Variants in ARL15 observed in about 807,000 individuals in gnomAD.
The protein encoded by ARL15 is ADP-ribosylation factor-like protein 15.
A neutral mutation model predicts 25.2 loss-of-function variants in ARL15; 19 were observed. The ratio of observed to expected loss-of-function variants is 0.75; its 90% CI spans 0.53 to 1.10. The LOEUF (loss-of-function observed/expected upper bound fraction) is 1.10, where lower values mean the gene tolerates loss of function less well. Among genes scored for constraint, ARL15 ranks in the 50% least tolerant of loss-of-function variants. The pLI is 0.00. For missense variants in ARL15, 220 were observed against 246.0 expected, an observed-to-expected ratio of 0.89 and a Z score of 0.71; for synonymous variants, 94 against 86.8, an observed-to-expected ratio of 1.08 and a Z score of -0.46.
At chr5:54,075,370 C>T (rs1751562226) in intron 4 of ARL15, 2 of 152,800 alleles carry the variant, frequency 1.3e-5, no homozygotes, top group South Asian at 4.1e-4. Context: ...GTGAATACTA[C>T]TTTACATAAT....
intron 3 of ARL15, among the ~76,000 whole-genome samples, chr5:54,151,231 G>T (rs562656422): frequency 6.6e-6 from 1 of 152,246 alleles, no homozygotes; most frequent in East Asian, 1.9e-4. Context: ...CCTGGAGGGT[G>T]TGACAGGTAG....
At chr5:54,147,707 T>C (rs1197083897) in intron 3 of ARL15, among the ~76,000 whole-genome samples, 1 of 152,160 alleles carries the variant, frequency 6.6e-6, no homozygotes, top group African/African-American at 2.4e-5. Flanking sequence ...TCTGGAAATG[T>C]CTAAAACACT....
chr5:53,925,439 C>T (rs370386195), intron 4 of ARL15, among the ~76,000 whole-genome samples: 3 of 152,260 alleles, frequency 2.0e-5, no homozygotes, highest in African/African-American at 7.2e-5. Context: ...TCAACTGATC[C>T]TCTTGCCTTG....
At position 54,217,200 on chromosome 5, in the gene ARL15, C is replaced by CTT. The variant is rs59849804; in HGVS notation, c.49-45274_49-45273dup. On this transcript the variant is annotated intron_variant, in intron 1 of 4. Transcript: ENST00000504924. ...GGAATTTTAGTAAGACAATGCTTTT[C>CTT]TTTTTTTTTTTTTTTAAAAAGGGAG... Among the ~76,000 whole-genome samples the CTT allele has an allele frequency of 1.6e-3, 236 of 145,256 alleles. 6 individuals carry two copies. In the South Asian group the frequency reaches 0.048, roughly 30 times the overall value.
At chr5:53,977,005 T>C (rs1221993963) in intron 4 of ARL15, among the ~76,000 whole-genome samples, 3 of 152,194 alleles carry the variant, frequency 2.0e-5, no homozygotes, top group Non-Finnish European at 4.4e-5. Flanking sequence ...AATAGTTTTG[T>C]TAACTTTTAT....
chr5:54,066,793 G>A (rs867354295), intron 4 of ARL15, among the ~76,000 whole-genome samples: 4 of 151,940 alleles, frequency 2.6e-5, no homozygotes, highest in Non-Finnish European at 1.5e-5. Context: ...TTCCACATTC[G>A]ATAATGTTAA....
intron 1 of ARL15, among the ~76,000 whole-genome samples, chr5:54,262,645 T>C (rs1757523646): frequency 1.3e-5 from 2 of 152,216 alleles, no homozygotes; most frequent in Non-Finnish European, 2.9e-5. Flanking sequence ...AGTAAAATAA[T>C]GGCAAAGTAT....
At chr5:53,887,226 A>G in intron 4 of ARL15, 1 of 587,446 alleles carries the variant, frequency 1.7e-6, no homozygotes, top group African/African-American at 1.9e-5. Flanking sequence ...TCTCTCTCAA[A>G]TTTCTAGTAT....
intron 4 of ARL15, among the ~76,000 whole-genome samples, chr5:53,993,713 G>T (rs1428578364): frequency 6.6e-6 from 1 of 151,872 alleles, no homozygotes; most frequent in African/African-American, 2.4e-5. Flanking sequence ...ACAATTCTAG[G>T]TAATAGCAAT....
chr5:54,282,389 T>A (rs1261972433), intron 1 of ARL15: 1 of 985,336 alleles, frequency 1.0e-6, no homozygotes, highest in Non-Finnish European at 1.2e-6. Context: ...CTGTCTTCAT[T>A]CCCCTTGCTC....
chr5:54,024,554 T>C (rs1010977810), intron 4 of ARL15, among the ~76,000 whole-genome samples: 4 of 152,190 alleles, frequency 2.6e-5, no homozygotes, highest in African/African-American at 9.7e-5. Context: ...ATTCATATAA[T>C]TATTATGTCT....
At chr5:54,275,609 G>A (rs1331296699) in intron 1 of ARL15, among the ~76,000 whole-genome samples, 1 of 152,208 alleles carries the variant, frequency 6.6e-6, no homozygotes. Context: ...GAGCCTGAGC[G>A]CCTGACTCAT....
intron 4 of ARL15, among the ~76,000 whole-genome samples, chr5:54,021,407 T>C (rs959856930): frequency 3.3e-5 from 5 of 152,054 alleles, no homozygotes; most frequent in African/African-American, 1.2e-4. Context: ...AGAAAAAATA[T>C]AAAACATCAG....
chr5:53,891,940 C>T (rs1744725274), intron 4 of ARL15, among the ~76,000 whole-genome samples: 1 of 152,154 alleles, frequency 6.6e-6, no homozygotes, highest in South Asian at 2.1e-4. Context: ...GAAAACAAAA[C>T]AACAACAGCA....
At chr5:54,305,366 G>C (rs550684379) in intron 1 of ARL15, among the ~76,000 whole-genome samples, 29 of 152,168 alleles carry the variant, frequency 1.9e-4, no homozygotes, top group African/African-American at 6.5e-4. Flanking sequence ...TGGGCATGGT[G>C]GTGGGCACCT....
intron 1 of ARL15, among the ~76,000 whole-genome samples, chr5:54,260,903 A>G (rs2112621561): frequency 6.6e-6 from 1 of 152,314 alleles, no homozygotes; most frequent in South Asian, 2.1e-4. Context: ...CCAATCTCAG[A>G]ACTTGGAATA....
rs187719260 is a variant in ARL15, at chr5:53,949,713, G to A, written c.463-63000C>T. ...TACAAGAGTTAACCTCTTATATTTT[G>A]AAGTAGAACAAAAAGGGAACATATA... On this transcript the variant is annotated intron_variant, in intron 4 of 4. Coordinates refer to ENST00000504924, the MANE Select transcript of ARL15 (RefSeq NM_019087.3). 2.8e-3 allele frequency among the ~76,000 whole-genome samples: 427 copies of A among 152,234 alleles called. 3 individuals are homozygous for A. The highest frequency in any genetic ancestry group is 0.014 in the Middle Eastern group (4 of 294).
At chr5:54,023,296 C>CTGTG (rs77218106) in intron 4 of ARL15, among the ~76,000 whole-genome samples, 99,564 of 151,702 alleles carry the variant, frequency 0.66, 32,915 homozygotes, top group East Asian at 0.84. Flanking sequence ...TCTAAACAGA[C>CTGTG]ACATTTAAAA....
chr5:54,108,419 T>C (rs1429591720), intron 4 of ARL15, among the ~76,000 whole-genome samples: 1 of 152,168 alleles, frequency 6.6e-6, no homozygotes, highest in Non-Finnish European at 1.5e-5. Flanking sequence ...TATTCTAAAA[T>C]GCTGCCAAGA....
Sources: allele counts gnomAD v4.1 joint callset (sites outside exome capture counted in the v4.1 genomes callset), GRCh38; gene constraint gnomAD v4.1.1; transcripts MANE v1.5; gene names NCBI Gene and HGNC (gene_info 2026-07-23, HGNC 2026-07-21).